Variants in TRPS1 observed in about 807,000 individuals in gnomAD.
The protein encoded by TRPS1 is transcriptional repressor GATA binding 1.
Under a neutral mutation model 101.2 loss-of-function variants are expected in TRPS1, and 6 were observed. The ratio of observed to expected loss-of-function variants is 0.06; its 90% CI spans 0.03 to 0.12. The LOEUF (loss-of-function observed/expected upper bound fraction) is 0.12. Among genes scored for constraint, TRPS1 ranks in the 10% least tolerant of loss-of-function variants. The pLI, the probability that TRPS1 is intolerant of heterozygous loss-of-function variation, is 1.00. For synonymous variants in TRPS1, 578 were observed against 589.8 expected, an observed-to-expected ratio of 0.98 and a Z score of 0.29; for missense variants, 1,363 against 1,567.0, an observed-to-expected ratio of 0.87 and a Z score of 2.20.
At chr8:115,500,801 C>T (rs973587072) in intron 5 of TRPS1, among the ~76,000 whole-genome samples, 2 of 152,048 alleles carry the variant, frequency 1.3e-5, no homozygotes, top group African/African-American at 4.8e-5. Context: ...TCTCGATCTC[C>T]TGACCTTGTA....
intron 5 of TRPS1, among the ~76,000 whole-genome samples, chr8:115,508,274 T>C (rs1413491717): frequency 6.6e-6 from 1 of 152,116 alleles, no homozygotes; most frequent in Non-Finnish European, 1.5e-5. Flanking sequence ...TGGCACGAAC[T>C]TTCCTTTGAG....
chr8:115,417,260 TG>T (rs1175939103), intron 6 of TRPS1, among the ~76,000 whole-genome samples: 2 of 152,070 alleles, frequency 1.3e-5, no homozygotes, highest in South Asian at 4.2e-4. Flanking sequence ...TGGTATGTGG[TG>T]GGGGGTGGAA....
At chr8:115,655,302 C>T (rs1811652808) in intron 1 of TRPS1, among the ~76,000 whole-genome samples, 1 of 152,140 alleles carries the variant, frequency 6.6e-6, no homozygotes, top group Non-Finnish European at 1.5e-5. Flanking sequence ...GAAGTGTTTC[C>T]TTGGCCAAGG....
intron 4 of TRPS1, 130 bp from the exon 5 acceptor site, chr8:115,587,734 T>C: frequency 6.8e-7 from 1 of 1,479,106 alleles, no homozygotes; most frequent in South Asian, 1.2e-5. Context: ...TGCAATATTC[T>C]TAACACCCCA....
intron 3 of TRPS1, among the ~76,000 whole-genome samples, chr8:115,612,599 T>C (rs1818195637): frequency 6.6e-6 from 1 of 152,182 alleles, no homozygotes; most frequent in South Asian, 2.1e-4. Flanking sequence ...GAGCTTCCCA[T>C]CAGCTGGAAA....
intron 5 of TRPS1, among the ~76,000 whole-genome samples, chr8:115,516,855 C>A (rs1000044756): frequency 6.6e-6 from 1 of 151,522 alleles, no homozygotes; most frequent in African/African-American, 2.4e-5. Flanking sequence ...AACACTATCA[C>A]TGAACAAACA....
rs918933685 is a variant in TRPS1, at chr8:115,469,678, G to A, written c.2701-51226C>T. ...ACCAGATACCCTAAATCAGGCTTCC[G>A]CCACCAAACCTGGCTAATTTTTGTA... On this transcript the variant is annotated intron_variant, in intron 5 of 6. Transcript: ENST00000395715. Among the ~76,000 whole-genome samples the A allele has an allele frequency of 2.6e-5, 4 of 151,870 alleles. No individual in the cohort carries two copies. The South Asian group carries it at 6.2e-4, about 24-fold the overall frequency.
intron 6 of TRPS1, among the ~76,000 whole-genome samples, chr8:115,416,120 TA>T (rs1812913253): frequency 6.6e-6 from 1 of 152,146 alleles, no homozygotes; most frequent in African/African-American, 2.4e-5. Flanking sequence ...AGCTTTGGTT[TA>T]AATATCTGAT....
intron 5 of TRPS1, among the ~76,000 whole-genome samples, chr8:115,502,278 G>A (rs1815337606): frequency 6.6e-6 from 1 of 152,040 alleles, no homozygotes; most frequent in South Asian, 2.1e-4. Flanking sequence ...GATAGAGAAG[G>A]CCAACAAATA....
chr8:115,562,086 C>T (rs1366608313), intron 5 of TRPS1, among the ~76,000 whole-genome samples: 1 of 151,878 alleles, frequency 6.6e-6, no homozygotes, highest in Non-Finnish European at 1.5e-5. Flanking sequence ...ACAAATATAA[C>T]AATAAAAAGC....
intron 5 of TRPS1, among the ~76,000 whole-genome samples, chr8:115,501,597 C>T (rs1000336869): frequency 6.6e-6 from 1 of 152,070 alleles, no homozygotes; most frequent in Admixed American, 6.6e-5. Flanking sequence ...AAAGTGCTCA[C>T]GAAAAATAAA....
chr8:115,655,713 G>GA (rs1376805013), intron 1 of TRPS1, among the ~76,000 whole-genome samples: 2 of 152,114 alleles, frequency 1.3e-5, no homozygotes, highest in Non-Finnish European at 2.9e-5. Flanking sequence ...ATTAGGAAAA[G>GA]ATGAAAAGAG....
Position 115,418,330 on chromosome 8 carries a change from C to A in TRPS1, c.2823G>T (p.Ser941=), listed in dbSNP as rs774932870. The change falls in exon 6 of 7, where the codon TCG becomes TCT. Residue 941 remains serine, a splice_region_variant and synonymous_variant. Coordinates refer to ENST00000395715, the MANE Select transcript of TRPS1 (RefSeq NM_014112.5). This position sits in a 1 kb window ranked among gnomAD's most constrained non-coding sequence, Gnocchi z 4.3. ...CTGAAAGAGTGGAACAAGTTCTTACCGAGTGAAGCTTCTGGTAGAGGCCAC... is the reference window on the plus strand; with the variant it reads ...CTGAAAGAGTGGAACAAGTTCTTACAGAGTGAAGCTTCTGGTAGAGGCCAC... The part of the protein sequence containing the change: ...NACGLYQKLH[S]TPRPLNIIKQ... The A allele has an allele frequency of 6.2e-7, 1 of 1,614,034 alleles. No homozygotes were observed. The highest frequency in any genetic ancestry group is 1.3e-5 in the African/African-American group (1 of 75,008).
chr8:115,459,450 C>T (rs1039011863), intron 5 of TRPS1, among the ~76,000 whole-genome samples: 1 of 152,046 alleles, frequency 6.6e-6, no homozygotes, highest in Non-Finnish European at 1.5e-5. Flanking sequence ...TCTAAGATAG[C>T]TCCTCATTTA....
chr8:115,564,910 A>AC (rs1166586206), intron 5 of TRPS1, among the ~76,000 whole-genome samples: 1 of 152,148 alleles, frequency 6.6e-6, no homozygotes, highest in Non-Finnish European at 1.5e-5. Flanking sequence ...AGGTTTATAA[A>AC]TAATGGTACA....
At chr8:115,490,894 C>T (rs1815004489) in intron 5 of TRPS1, among the ~76,000 whole-genome samples, 1 of 152,272 alleles carries the variant, frequency 6.6e-6, no homozygotes, top group East Asian at 1.9e-4. Context: ...TTTGAATACA[C>T]AACTCAAAAG....
intron 5 of TRPS1, among the ~76,000 whole-genome samples, chr8:115,435,297 T>C (rs1332902677): frequency 6.6e-6 from 1 of 152,162 alleles, no homozygotes; most frequent in Non-Finnish European, 1.5e-5. Flanking sequence ...CAGAGTAATG[T>C]TGATGAATAA....
At chr8:115,454,555 A>T (rs1813967128) in intron 5 of TRPS1, among the ~76,000 whole-genome samples, 1 of 152,126 alleles carries the variant, frequency 6.6e-6, no homozygotes, top group Admixed American at 6.5e-5. Flanking sequence ...GATTAATCTC[A>T]ATCTGATGTA....
chr8:115,641,576 C>T (rs565787881), intron 1 of TRPS1, among the ~76,000 whole-genome samples: 8 of 152,254 alleles, frequency 5.3e-5, no homozygotes, highest in African/African-American at 1.9e-4. Flanking sequence ...GGCTTCCAGT[C>T]ACTGAAGACC....
Sources: allele counts gnomAD v4.1 joint callset (sites outside exome capture counted in the v4.1 genomes callset), GRCh38; gene constraint gnomAD v4.1.1; non-coding constraint Gnocchi (gnomAD v3.1); transcripts MANE v1.5; gene names NCBI Gene and HGNC (gene_info 2026-07-23, HGNC 2026-07-21).